The following GBP6 variants were observed in gnomAD, a reference collection of about 807,000 sequenced individuals.
GBP6 encodes the protein guanylate binding protein family member 6.
In GBP6, 54 loss-of-function variants were observed where a neutral mutation model predicts 61.5. That is an observed-to-expected ratio of 0.88 (90% CI 0.71 to 1.10). The LOEUF is 1.10. Ranked by LOEUF, GBP6 falls within the 50% of genes least tolerant of loss-of-function variation. The probability of loss-of-function intolerance (pLI) is 0.00; values close to 1 mark genes in which losing one functional copy is unlikely to be tolerated. For missense variants in GBP6, 748 were observed against 752.8 expected (o/e 0.99, Z 0.07); for synonymous variants, 255 against 273.7 (o/e 0.93, Z 0.67).
Position 89,372,558 on chromosome 1 carries a change from TA to T in GBP6, c.318+2886del, listed in dbSNP as rs551262054. On this transcript the variant is annotated intron_variant, in intron 3 of 10. Transcript: ENST00000370456. Reference sequence around the variant, plus strand: ...TGACAAACCTGACAAGAACAAGAAATAGGGAAAGGATTCCCTATTTGATAAA... The same window carrying T: ...TGACAAACCTGACAAGAACAAGAAATGGGAAAGGATTCCCTATTTGATAAA... Among the ~76,000 whole-genome samples, 201 of 152,204 alleles carry T rather than the reference TA, an allele frequency of 1.3e-3. 1 individual carries two copies. Among genetic ancestry groups the T allele is most frequent in the African/African-American group, 4.6e-3 (191 of 41,530 alleles).
At chr1:89,381,548 G>T in intron 6 of GBP6, 146 bp from the exon 7 acceptor site, 1 of 670,230 alleles carries the variant, frequency 1.5e-6, no homozygotes, top group Non-Finnish European at 2.4e-6. Context: ...AGTGATAATA[G>T]CAGAAGGAGG....
intron 3 of GBP6, among the ~76,000 whole-genome samples, chr1:89,372,743 C>A (rs558928358): frequency 6.6e-5 from 10 of 152,302 alleles, no homozygotes; most frequent in African/African-American, 2.4e-4. Context: ...CCATTTAGGA[C>A]ATAGGCATGG....
chr1:89,380,133 G>A (rs535410890), intron 5 of GBP6, among the ~76,000 whole-genome samples: 6 of 152,088 alleles, frequency 3.9e-5, no homozygotes, highest in South Asian at 2.1e-4. Flanking sequence ...GCAAGACCTC[G>A]TTTCGAAAAA....
chr1:89,385,153 G>GTTTTACATTTT (rs1653098384), intron 10 of GBP6, 77 bp from the exon 11 acceptor site: 3 of 1,331,412 alleles, frequency 2.3e-6, no homozygotes, highest in Admixed American at 2.4e-5. Context: ...GTTTCACACA[G>GTTTTACATTTT]GTTTTAAATA....
At chr1:89,380,254 T>C in intron 5 of GBP6, 132 bp from the exon 6 acceptor site, 1 of 714,336 alleles carries the variant, frequency 1.4e-6, no homozygotes, top group Non-Finnish European at 2.4e-6. Flanking sequence ...CAGAAGTATT[T>C]AATTTTTATG....
intron 6 of GBP6, 83 bp downstream of exon 6, chr1:89,380,714 T>A: frequency 7.4e-7 from 1 of 1,360,326 alleles, no homozygotes; most frequent in Non-Finnish European, 1.0e-6. Flanking sequence ...TTTTGTTAGA[T>A]TCCATATAGA....
intron 10 of GBP6, 49 bp downstream of exon 10, chr1:89,384,335 C>T (rs1419534062): frequency 6.8e-7 from 1 of 1,467,392 alleles, no homozygotes; most frequent in Admixed American, 2.3e-5. Context: ...CACCCAGGTA[C>T]CTCAGGAAGG....
chr1:89,373,424 A>C (rs1652702253), intron 3 of GBP6, among the ~76,000 whole-genome samples: 2 of 152,246 alleles, frequency 1.3e-5, no homozygotes, highest in Admixed American at 1.3e-4. Flanking sequence ...CCAGATGTCC[A>C]TCAGTGATAG....
chr1:89,379,619 C>G (rs1652904978), intron 5 of GBP6, among the ~76,000 whole-genome samples: 1 of 152,150 alleles, frequency 6.6e-6, no homozygotes, highest in Non-Finnish European at 1.5e-5. Context: ...ACATATGTAT[C>G]CATGCTAGAA....
In GBP6 at chr1:89,385,255, G is replaced by T. The variant is rs767934125; in HGVS notation, c.1688G>T (p.Gly563Val). 5 of 1,613,484 alleles carry T rather than the reference G, an allele frequency of 3.1e-6. No homozygotes were observed. The highest frequency in any genetic ancestry group is 1.3e-5 in the African/African-American group (1 of 74,886). ...QKVQNDWLHE[G>V]FKKKYEEMNA... ...GTCCAAAATGATTGGCTTCATGAAG[G>T]ATTTAAGAAGAAGTATGAGGAGATG... Residue 563 changes from glycine (G) to valine (V), a missense_variant, in exon 11 of 11, where the codon GGA (glycine) becomes GTA (valine). Physicochemically the swap from Gly to Val is moderately radical, Grantham distance 109 (BLOSUM62 -3). Coordinates refer to ENST00000370456, the MANE Select transcript of GBP6 (RefSeq NM_198460.3).
At chr1:89,380,708 GT>G (rs1271306877) in intron 6 of GBP6, 77 bp downstream of exon 6, 1 of 1,422,672 alleles carries the variant, frequency 7.0e-7, no homozygotes, top group East Asian at 2.3e-5. Flanking sequence ...CAGAATTTTT[GT>G]TAGATTCCAT....
chr1:89,382,082 T>C (rs2100673388), intron 7 of GBP6, 108 bp downstream of exon 7: 1 of 1,130,128 alleles, frequency 8.8e-7, no homozygotes, highest in Non-Finnish European at 1.3e-6. Flanking sequence ...AATAACTTAT[T>C]GTGGATTCTC....
intron 7 of GBP6, 92 bp from the exon 8 acceptor site, chr1:89,382,572 A>G (rs1653009032): frequency 1.0e-6 from 1 of 973,006 alleles, no homozygotes; most frequent in Non-Finnish European, 1.6e-6. Context: ...TCTCATGAGG[A>G]CCACAGTTAG....
Position 89,385,553 on chromosome 1 carries a change from T to TTTC in GBP6, c.*85_*87dup. 9.5e-6 allele frequency: 13 copies of TTTC among 1,370,876 alleles called. No individual in the cohort carries two copies. Among genetic ancestry groups the TTTC allele is most frequent in the Non-Finnish European group, 1.2e-5 (12 of 1,020,536 alleles). The allele number at this position is 1,370,876 out of a possible 1,614,324, so 84.9% of individuals were successfully genotyped here. Reference sequence around the variant, plus strand: ...TTTCATTCAGCAAGTTTTTTTTTTTTTTCAGAGTCTTACTCTGTTGCCCAG... The same window carrying TTTC: ...TTTCATTCAGCAAGTTTTTTTTTTTTTTCTTCAGAGTCTTACTCTGTTGCCCAG... On this transcript the variant is annotated 3_prime_UTR_variant, in exon 11 of 11. Coordinates refer to ENST00000370456, the MANE Select transcript of GBP6 (RefSeq NM_198460.3).
intron 10 of GBP6, among the ~76,000 whole-genome samples, chr1:89,385,026 T>C (rs879453428): frequency 5.9e-5 from 9 of 152,306 alleles, no homozygotes; most frequent in Admixed American, 4.6e-4. Flanking sequence ...GTTAGCACCA[T>C]AGCAAAACCA....
rs1405738207 is a variant in GBP6 at position 89,381,856 on chromosome 1, C to T, written c.1034C>T (p.Pro345Leu). 9.9e-6 allele frequency: 16 copies of T among 1,613,964 alleles called. No homozygotes were observed. The highest frequency in any genetic ancestry group is 1.3e-5 in the Non-Finnish European group (15 of 1,180,000). ...CAGATGGCCCAGCGAGTGAAGCTCC[C>T]CACAGACACGCTCCAGGAGCTGCTG... ...SQQMAQRVKL[P>L]TDTLQELLDM... The change falls in exon 7 of 11, where the codon CCC (proline) becomes CTC (leucine). Residue 345 changes from proline to leucine, a missense_variant. Coordinates refer to ENST00000370456, the MANE Select transcript of GBP6 (RefSeq NM_198460.3).
chr1:89,365,623 T>C (rs1354712193), intron 1 of GBP6, among the ~76,000 whole-genome samples: 1 of 152,268 alleles, frequency 6.6e-6, no homozygotes, highest in African/African-American at 2.4e-5. Flanking sequence ...AATGGACCAA[T>C]TGTTATTGTA....
At chr1:89,375,857 A>G (rs1041666459) in intron 3 of GBP6, among the ~76,000 whole-genome samples, 1 of 151,968 alleles carries the variant, frequency 6.6e-6, no homozygotes, top group African/African-American at 2.4e-5. Flanking sequence ...TTTTCCTTGT[A>G]TATTCTTCTG....
chr1:89,378,900 G>A (rs997008588), intron 5 of GBP6, among the ~76,000 whole-genome samples: 2 of 152,204 alleles, frequency 1.3e-5, no homozygotes, highest in African/African-American at 4.8e-5. Context: ...CAAGATGCTT[G>A]TGATCTGTGT....
Sources: gnomAD v4.1 joint callset for allele counts (sites outside exome capture counted in the v4.1 genomes callset) on GRCh38, gnomAD v4.1.1 for gene constraint, MANE v1.5 for transcripts, NCBI Gene and HGNC (gene_info 2026-07-23, HGNC 2026-07-21) for gene names.